The following CACNA1B variants were observed in gnomAD, a reference collection of about 807,000 sequenced individuals.
CACNA1B encodes voltage-dependent N-type calcium channel subunit alpha-1B.
CACNA1B carries 70 observed loss-of-function variants against 247.2 expected under a neutral mutation model. The observed-to-expected ratio is 0.28, with a 90% CI of 0.23 to 0.35. The LOEUF (loss-of-function observed/expected upper bound fraction) is 0.35. Among genes scored for constraint, CACNA1B ranks in the 10% least tolerant of loss-of-function variants. The pLI is 1.00. For missense variants in CACNA1B, 2,367 were observed against 3,197.4 expected, an observed-to-expected ratio of 0.74 and a Z score of 6.26; for synonymous variants, 1,231 against 1,294.4, an observed-to-expected ratio of 0.95 and a Z score of 1.05.
intron 20 of CACNA1B, among the ~76,000 whole-genome samples, chr9:138,027,578 G>A (rs1958936863): frequency 1.3e-5 from 2 of 152,158 alleles, no homozygotes; most frequent in African/African-American, 2.4e-5. Context: ...AGGGATGTGT[G>A]TGTGTGTCTG....
chr9:138,110,878 A>G (rs1354757353), intron 39 of CACNA1B, among the ~76,000 whole-genome samples: 1 of 152,230 alleles, frequency 6.6e-6, no homozygotes, highest in African/African-American at 2.4e-5. Flanking sequence ...AAAACAGACA[A>G]AAGATTTGAA....
intron 20 of CACNA1B, among the ~76,000 whole-genome samples, chr9:138,037,646 G>A (rs773950173): frequency 1.3e-4 from 19 of 151,654 alleles, no homozygotes; most frequent in African/African-American, 3.4e-4. Flanking sequence ...GCAACAGAGC[G>A]AGACTCTGTC....
At chr9:137,975,747 G>A (rs763769668) in intron 11 of CACNA1B, among the ~76,000 whole-genome samples, 160 bp from the exon 12 acceptor site, 2 of 152,150 alleles carry the variant, frequency 1.3e-5, no homozygotes, top group South Asian at 2.1e-4. Flanking sequence ...TGAATCCATC[G>A]TTCCTTTCCT....
chr9:137,913,214 C>T lies in CACNA1B; in HGVS notation c.565C>T (p.Arg189Ter). The change falls in exon 4 of 47, where the codon CGA becomes TGA. Residue 189 changes from arginine (R) to a stop codon, truncating the protein, a stop_gained. Coordinates refer to ENST00000371372, the MANE Select transcript of CACNA1B (RefSeq NM_000718.4). LOFTEE classifies it high-confidence loss of function. This position sits in a 1 kb window ranked among gnomAD's most constrained non-coding sequence, Gnocchi z 5.2. ...LATAGTDFDL[R>*]TLRAVRVLRP... ...CACGGCTGGAACTGACTTCGACCTG[C>T]GAACACTGAGGGCTGTGCGTGTGCT... The T allele has an allele frequency of 6.2e-7, 1 of 1,613,912 alleles. No individual in the cohort carries two copies.
At chr9:137,912,437 G>A (rs2133276333) in intron 3 of CACNA1B, among the ~76,000 whole-genome samples, 1 of 152,352 alleles carries the variant, frequency 6.6e-6, no homozygotes, top group East Asian at 1.9e-4. Context: ...TTTCAGTGGA[G>A]AGGTGGGTGA....
rs149233640 is a variant in CACNA1B at position 137,990,820 on chromosome 9, C to T, written c.1974+3966C>T. On this transcript the variant is annotated intron_variant, in intron 15 of 46. Transcript: ENST00000371372. The surrounding 1 kb of genome is among the most constrained non-coding windows in gnomAD (Gnocchi z 4.5). ...CCAGTACCAGCCTGAAGCCTGGTAG[C>T]TCCACTGGGTGGGTAGACCTGCAAG... 3.0e-4 allele frequency among the ~76,000 whole-genome samples: 46 copies of T among 152,336 alleles called. No individual in the cohort carries two copies. The East Asian group carries it at 8.7e-3, about 29-fold the overall frequency.
rs13298580 is a variant in CACNA1B, at chr9:138,059,308, A to G, written c.4584+119A>G. 0.015 allele frequency: 10,261 copies of G among 669,884 alleles called. 136 individuals carry two copies. The highest frequency in any genetic ancestry group is 0.019 in the Non-Finnish European group (6,787 of 361,762). 41.5% of individuals were successfully genotyped at this position (669,884 alleles called of 1,614,324 possible). ...GGAATTCTCCGAGTACCCAGAGTAT[A>G]TGTAATGCTACAGGGGCCCTGGGGA... is the stretch of plus-strand genomic sequence containing the variant. On this transcript the variant is annotated intron_variant, in intron 30 of 46. Coordinates refer to ENST00000371372, the MANE Select transcript of CACNA1B (RefSeq NM_000718.4). The surrounding 1 kb of genome is among the most constrained non-coding windows in gnomAD (Gnocchi z 4.2).
intron 15 of CACNA1B, among the ~76,000 whole-genome samples, chr9:137,998,324 G>A (rs887414408): frequency 5.9e-5 from 9 of 152,192 alleles, no homozygotes; most frequent in East Asian, 3.8e-4. Context: ...AAGAAAGCCA[G>A]TGTAGGCCGG....
In CACNA1B at chr9:138,120,870, C is replaced by A; in HGVS notation, c.6478C>A (p.Pro2160Thr). ...GCCAACAGCTGGCCAGGAGCCGGGA[C>A]CCCACCCACAGGTAAGAGGAATAGG... The part of the protein sequence containing the change: ...TSPTAGQEPG[P>T]HPQGSGSVNG... Residue 2160 changes from proline (P) to threonine (T), a missense_variant, in exon 46 of 47, where the codon CCC becomes ACC. Coordinates refer to ENST00000371372, the MANE Select transcript of CACNA1B (RefSeq NM_000718.4). The A allele has an allele frequency of 2.5e-6, 4 of 1,570,686 alleles. No homozygotes were observed. Among genetic ancestry groups the A allele is most frequent in the Middle Eastern group, 3.3e-4 (2 of 6,002 alleles).
chr9:137,952,311 A>T lies in CACNA1B; in HGVS notation c.1004A>T (p.Tyr335Phe). 1.2e-6 allele frequency: 2 copies of T among 1,613,124 alleles called. No individual in the cohort carries two copies. The highest frequency in any genetic ancestry group is 1.7e-6 in the Non-Finnish European group (2 of 1,179,678). ...DAAGNTWNWL[Y>F]FIPLIIIGSF... ...GCCGGCAACACCTGGAACTGGCTCT[A>T]CTTCATCCCTCTCATCATCATCGGC... The change falls in exon 7 of 47, where the codon TAC becomes TTC. Residue 335 changes from tyrosine to phenylalanine, a missense_variant. Coordinates refer to ENST00000371372, the MANE Select transcript of CACNA1B (RefSeq NM_000718.4). This position sits in a 1 kb window ranked among gnomAD's most constrained non-coding sequence, Gnocchi z 4.8.
chr9:138,099,648 TGCATGTGCCTGTGGTGC>T (rs1310252254), intron 37 of CACNA1B, among the ~76,000 whole-genome samples: 49 of 147,686 alleles, frequency 3.3e-4, no homozygotes, highest in Middle Eastern at 3.5e-3. Flanking sequence ...GCCTGTGGTG[TGCATGTGCCTGTGGTGC>T]GCATGTGCCT....
intron 39 of CACNA1B, among the ~76,000 whole-genome samples, chr9:138,110,870 AAC>A (rs1961603793): frequency 6.6e-6 from 1 of 152,228 alleles, no homozygotes; most frequent in Non-Finnish European, 1.5e-5. Flanking sequence ...ACCCAACCAA[AAC>A]AGACAAAAGA....
chr9:137,915,143 G>A (rs547168357), intron 5 of CACNA1B, among the ~76,000 whole-genome samples: 1 of 152,362 alleles, frequency 6.6e-6, no homozygotes, highest in African/African-American at 2.4e-5. Context: ...GAGCCGTGTG[G>A]CCACCTGGGC....
At chr9:138,066,439 G>T (rs10867098) in intron 31 of CACNA1B, among the ~76,000 whole-genome samples, 31,156 of 151,880 alleles carry the variant, frequency 0.21, 9,339 homozygotes, top group African/African-American at 0.66. Context: ...AGAGCAAAAC[G>T]CTAAAAAAAT....
chr9:137,886,368 A>G (rs60401357), intron 3 of CACNA1B, among the ~76,000 whole-genome samples: 1 of 152,170 alleles, frequency 6.6e-6, no homozygotes, highest in African/African-American at 2.4e-5. Flanking sequence ...CGGGAAGGCC[A>G]CCACTTCCCT....
chr9:138,000,256 G>A lies in CACNA1B; in HGVS notation c.1975-6511G>A, dbSNP rs373149955. On this transcript the variant is annotated intron_variant, in intron 15 of 46. Coordinates refer to ENST00000371372, the MANE Select transcript of CACNA1B (RefSeq NM_000718.4). ...TGGGACTACAGGCGCCCGCCACTAC[G>A]CCCGGCTAATTTTTTGTATTTTTAG... 6.3e-3 allele frequency among the ~76,000 whole-genome samples: 962 copies of A among 151,936 alleles called. 14 individuals carry two copies. The highest frequency in any genetic ancestry group is 0.022 in the African/African-American group (915 of 41,440).
At position 137,973,979 on chromosome 9, in the gene CACNA1B, G is replaced by A. The variant is rs753812588; in HGVS notation, c.1544-1928G>A. The stretch of plus-strand genomic sequence containing the variant: ...CTCCCCTCCCAGATCTAGGGTGTGG[G>A]TGCCAGCAGTCCCATCTCTGGGGCC... On this transcript the variant is annotated intron_variant, in intron 11 of 46. Transcript: ENST00000371372. The surrounding 1 kb of genome is among the most constrained non-coding windows in gnomAD (Gnocchi z 4.1). Among the ~76,000 whole-genome samples the A allele has an allele frequency of 7.9e-5, 12 of 152,316 alleles. No homozygotes were observed. Among genetic ancestry groups the A allele is most frequent in the Admixed American group, 4.6e-4 (7 of 15,302 alleles).
intron 6 of CACNA1B, among the ~76,000 whole-genome samples, chr9:137,948,780 ATGTGTGTGGTGTGTG>A (rs1318293928): frequency 7.9e-6 from 1 of 126,316 alleles, no homozygotes; most frequent in Non-Finnish European, 1.7e-5. Flanking sequence ...TGCATGTGGT[ATGTGTGTGGTGTGTG>A]TGTGTGTGGT....
chr9:138,009,186 C>G (rs947392078), intron 16 of CACNA1B, among the ~76,000 whole-genome samples: 2 of 152,222 alleles, frequency 1.3e-5, no homozygotes, highest in African/African-American at 4.8e-5. Flanking sequence ...CCAGGCGGTG[C>G]CTGTGCCGGT....
Sources: gnomAD v4.1 joint callset for allele counts (sites outside exome capture counted in the v4.1 genomes callset) on GRCh38, gnomAD v4.1.1 for gene constraint, Gnocchi (gnomAD v3.1) non-coding constraint, MANE v1.5 for transcripts, NCBI Gene and HGNC (gene_info 2026-07-23, HGNC 2026-07-21) for gene names.